Variants in PLEC observed in about 807,000 individuals in gnomAD.
PLEC encodes plectin, also known as hemidesmosomal protein 1.
PLEC carries 216 observed loss-of-function variants against 392.8 expected under a neutral mutation model. The observed-to-expected ratio is 0.55, with a 90% CI of 0.49 to 0.62. The LOEUF (loss-of-function observed/expected upper bound fraction) is 0.62, where lower values mean the gene tolerates loss of function less well. Among genes scored for constraint, PLEC ranks in the 20% least tolerant of loss-of-function variants. The probability of loss-of-function intolerance (pLI) is 0.00; values close to 1 mark genes in which losing one functional copy is unlikely to be tolerated. For synonymous variants in PLEC, 3,621 were observed against 2,980.6 expected (o/e 1.21, Z -7.00); for missense variants, 6,863 against 6,563.4 (o/e 1.05, Z -1.58).
intron 1 of PLEC, chr8:143,950,174 T>C (rs1554734861): frequency 6.7e-7 from 1 of 1,502,658 alleles, no homozygotes; most frequent in Admixed American, 2.2e-5. Flanking sequence ...GGGGTCAGGG[T>C]GCAGCTGACC....
chr8:143,967,984 C>T (rs894206658), intron 1 of PLEC, among the ~76,000 whole-genome samples: 5 of 151,832 alleles, frequency 3.3e-5, no homozygotes, highest in Middle Eastern at 3.2e-3. Context: ...AAAAATTAGC[C>T]AGGTGTGGTG....
chr8:143,927,901 C>T lies in PLEC; in HGVS notation c.3352G>A (p.Val1118Met), dbSNP rs369022362. 232 of 1,595,682 alleles carry T rather than the reference C, an allele frequency of 1.5e-4. No individual in the cohort carries two copies. Among genetic ancestry groups the T allele is most frequent in the Non-Finnish European group, 1.9e-4 (220 of 1,172,180 alleles). The change falls in exon 26 of 32, where the codon GTG (valine) becomes ATG (methionine). Residue 1118 changes from valine (V) to methionine (M), a missense_variant. Physicochemically the swap from Val to Met is conservative, Grantham distance 21 (BLOSUM62 1). Coordinates refer to ENST00000345136, the MANE Select transcript of PLEC (RefSeq NM_201384.3). ...TCGAGCTCCGGGAGGGTGGCCGGCA[C>T]GGCCTGGGCCTCCTTGAGCTGCTCC... ...HEEQLKEAQAVPATLPELEAT... is the reference protein window; with the variant it reads ...HEEQLKEAQAMPATLPELEAT...
At chr8:143,959,609 G>A (rs1385913481) in intron 1 of PLEC, among the ~76,000 whole-genome samples, 2 of 152,368 alleles carry the variant, frequency 1.3e-5, no homozygotes, top group Admixed American at 6.5e-5. Flanking sequence ...CTCCAACACC[G>A]GGTGCTGGGC....
chr8:143,941,142 C>G (rs1554728400), upstream of PLEC, among the ~76,000 whole-genome samples: 1 of 152,234 alleles, frequency 6.6e-6, no homozygotes, highest in Admixed American at 6.5e-5. Context: ...CCAGCAGCTA[C>G]CCTGAGGCCA....
chr8:143,917,660 T>G lies in PLEC; in HGVS notation c.12161A>C (p.Asp4054Ala). 1 of 1,613,530 alleles carries G rather than the reference T, an allele frequency of 6.2e-7. No individual in the cohort carries two copies. The highest frequency in any genetic ancestry group is 8.5e-7 in the Non-Finnish European group (1 of 1,179,982). Residue 4054 changes from aspartate to alanine, a missense_variant, in exon 32 of 32, where the codon GAC becomes GCC. By Grantham distance (126) the Asp-to-Ala change is moderately radical. Transcript: ENST00000345136. ...EAQIATGGII[D>A]PEESHRLPVE... is the part of the protein sequence containing the mutation. ...GGGCAGCCGGTGGCTCTCCTCAGGG[T>G]CGATGATGCCGCCCGTGGCGATCTG...
rs1554704512 is a variant in PLEC at position 143,925,891 on chromosome 8, C to G, written c.4045-7G>C. On this transcript the variant is annotated splice_region_variant and splice_polypyrimidine_tract_variant and intron_variant, in intron 30 of 31. Coordinates refer to ENST00000345136, the MANE Select transcript of PLEC (RefSeq NM_201384.3). ...GCTGCTGCTCAGCCAGCCTCTGTGG[C>G]CACAGCAGAGAGAAGAAGAGAAGCA... 3 of 1,540,036 alleles carry G rather than the reference C, an allele frequency of 1.9e-6. No homozygotes were observed. The highest frequency in any genetic ancestry group is 2.6e-6 in the Non-Finnish European group (3 of 1,148,916).
At chr8:143,922,431 C>T (rs1554689700) in intron 31 of PLEC, 36 bp from the exon 32 acceptor site, 2 of 1,600,228 alleles carry the variant, frequency 1.2e-6, no homozygotes, top group South Asian at 1.1e-5. Context: ...GGACCGCCAG[C>T]CCAGGAGCAC....
intron 1 of PLEC, among the ~76,000 whole-genome samples, chr8:143,961,575 A>C (rs1220020487): frequency 6.6e-6 from 1 of 152,210 alleles, no homozygotes. Context: ...ACCCAGCTAC[A>C]ACACTGTTCA....
At chr8:143,929,901 C>T (rs781869850) in intron 22 of PLEC, 35 bp downstream of exon 22, 14 of 1,605,244 alleles carry the variant, frequency 8.7e-6, no homozygotes, top group Admixed American at 1.7e-5. Flanking sequence ...CCCCTCCTCC[C>T]ACCCAGAGAG....
chr8:143,968,789 A>G (rs1833255928), intron 1 of PLEC, among the ~76,000 whole-genome samples: 1 of 152,238 alleles, frequency 6.6e-6, no homozygotes, highest in Non-Finnish European at 1.5e-5. Context: ...AAATCAAACC[A>G]CAATGAGATT....
chr8:143,950,397 C>G (rs1193315829), exon 1 of PLEC: 1 of 1,604,236 alleles, frequency 6.2e-7, no homozygotes, highest in African/African-American at 1.3e-5. Flanking sequence ...ACCATGGCGA[C>G]GGGGCGGCGC....
At chr8:143,964,142 A>G (rs1832982988) in intron 1 of PLEC, among the ~76,000 whole-genome samples, 1 of 152,116 alleles carries the variant, frequency 6.6e-6, no homozygotes, top group African/African-American at 2.4e-5. Context: ...TGATGCTACA[A>G]TAGGTTGAGA....
intron 1 of PLEC, among the ~76,000 whole-genome samples, chr8:143,939,105 G>T (rs1351878786): frequency 6.6e-6 from 1 of 152,164 alleles, no homozygotes. Flanking sequence ...ACAGGGCAGC[G>T]AACCTTCCCC....
chr8:143,921,845 T>C lies in PLEC; in HGVS notation c.7976A>G (p.Gln2659Arg), dbSNP rs781927659. Residue 2659 changes from glutamine (Q) to arginine (R), a missense_variant, in exon 32 of 32, where the codon CAG becomes CGG. Gln to Arg is a conservative substitution (Grantham distance 43). Transcript: ENST00000345136. ...CTCCGCACTCAGGATGCCGGCCTCC[T>C]GCAGCCTCTGAGCTGACACCTTCCG... Reference protein sequence around the residue: ...LRRKVSAQRLQEAGILSAEEL... With the variant: ...LRRKVSAQRLREAGILSAEEL... 4.0e-5 allele frequency: 64 copies of C among 1,605,168 alleles called. No homozygotes were observed. The South Asian group carries it at 6.4e-4, about 16-fold the overall frequency.
rs782465367 is a variant in PLEC, at chr8:143,925,243, C to T, written c.4686G>A (p.Gln1562=). The part of the protein sequence containing the change: ...LRQAEVERAR[Q]VQVALETAQR... ...GCGCCGTCTCCAGGGCCACCTGTAC[C>T]TGCCGCGCTCGCTCCACCTCGGCCT... Residue 1562 remains glutamine, a synonymous_variant, in exon 31 of 32, where the codon CAG becomes CAA. Coordinates refer to ENST00000345136, the MANE Select transcript of PLEC (RefSeq NM_201384.3). 6.3e-7 allele frequency: 1 copy of T among 1,589,402 alleles called. No homozygotes were observed. Among genetic ancestry groups the T allele is most frequent in the African/African-American group, 1.3e-5 (1 of 74,654 alleles).
chr8:143,927,132 T>A lies in PLEC; in HGVS notation c.3841-51A>T, dbSNP rs55984967. The A allele has an allele frequency of 0.39, 602,364 of 1,560,830 alleles. 122,974 individuals are homozygous for A. Among genetic ancestry groups the A allele is most frequent in the Non-Finnish European group, 0.42 (477,517 of 1,136,316 alleles). ...ACCAGCTCTGCCCTCCGATGGCCCC[T>A]GCCCAGCCCCTAAACCCTCACATGG... On this transcript the variant is annotated intron_variant, in intron 28 of 31. Coordinates refer to ENST00000345136, the MANE Select transcript of PLEC (RefSeq NM_201384.3).
At position 143,921,001 on chromosome 8, in the gene PLEC, G is replaced by A. The variant is rs58308209; in HGVS notation, c.8820C>T (p.Asp2940=). The A allele has an allele frequency of 6.2e-7, 1 of 1,613,000 alleles. No individual in the cohort carries two copies. Among genetic ancestry groups the A allele is most frequent in the African/African-American group, 1.3e-5 (1 of 75,008 alleles). ...SEYFTAEQRR[D]LLRQFRTGRI... Reference sequence around the variant, plus strand: ...GGCCCGTGCGGAACTGCCGCAGCAGGTCCCGCCGCTGCTCTGCCGTGAAGT... The same window carrying A: ...GGCCCGTGCGGAACTGCCGCAGCAGATCCCGCCGCTGCTCTGCCGTGAAGT... Residue 2940 remains aspartate (D), a synonymous_variant, in exon 32 of 32, where the codon GAC becomes GAT. Transcript: ENST00000345136.
At chr8:143,975,231 C>G (rs1833617664), upstream of PLEC, 3 of 1,605,886 alleles carry the variant, frequency 1.9e-6, no homozygotes, top group Non-Finnish European at 2.5e-6. The surrounding 1 kb of genome is among the most constrained non-coding windows in gnomAD (Gnocchi z 9.9). Flanking sequence ...CCGTTGCTCC[C>G]AGCGCCACCC....
In PLEC at chr8:143,919,371, G is replaced by A. The variant is rs782617720; in HGVS notation, c.10450C>T (p.Pro3484Ser). 5.6e-6 allele frequency: 9 copies of A among 1,613,734 alleles called. No individual in the cohort carries two copies. Among genetic ancestry groups the A allele is most frequent in the Non-Finnish European group, 7.6e-6 (9 of 1,180,022 alleles). The change falls in exon 32 of 32, where the codon CCT becomes TCT. Residue 3484 changes from proline to serine, a missense_variant. Pro to Ser is a moderately conservative substitution (Grantham distance 74, BLOSUM62 -1). Coordinates refer to ENST00000345136, the MANE Select transcript of PLEC (RefSeq NM_201384.3). ...CCGCGCTGGTAGGCCACGTCCACAG[G>A]CACGCGGTGGCTGTGCACGGGGTCG... ...IIDPVHSHRVPVDVAYQRGYF... is the reference protein window; with the variant it reads ...IIDPVHSHRVSVDVAYQRGYF...
Sources: allele counts gnomAD v4.1 joint callset (sites outside exome capture counted in the v4.1 genomes callset), GRCh38; gene constraint gnomAD v4.1.1; non-coding constraint Gnocchi (gnomAD v3.1); transcripts MANE v1.5; gene names NCBI Gene and HGNC (gene_info 2026-07-23, HGNC 2026-07-21).